The following CIT variants were observed in gnomAD, a reference collection of about 807,000 sequenced individuals.
CIT encodes the protein citron Rho-interacting kinase.
Under a neutral mutation model 272.7 loss-of-function variants are expected in CIT, and 79 were observed. That is an observed-to-expected ratio of 0.29 (90% CI 0.24 to 0.35). The LOEUF is 0.35. Among genes scored for constraint, CIT ranks in the 10% least tolerant of loss-of-function variants. The pLI is 1.00. For synonymous variants in CIT, 948 were observed against 995.6 expected (o/e 0.95, Z 0.90); for missense variants, 1,909 against 2,618.3 (o/e 0.73, Z 5.91).
chr12:119,725,534 C>T (rs1048094047), intron 28 of CIT, among the ~76,000 whole-genome samples: 5 of 152,202 alleles, frequency 3.3e-5, no homozygotes, highest in African/African-American at 1.2e-4. Context: ...AACCAGGAGG[C>T]CCAATCACAA....
chr12:119,780,384 C>T (rs1440551494), intron 13 of CIT, among the ~76,000 whole-genome samples: 1 of 152,026 alleles, frequency 6.6e-6, no homozygotes, highest in Non-Finnish European at 1.5e-5. Context: ...TTTGGGAGGC[C>T]AAGGCGGGCA....
intron 15 of CIT, 125 bp from the exon 16 acceptor site, chr12:119,775,964 T>A: frequency 1.4e-6 from 1 of 713,866 alleles, no homozygotes; most frequent in Non-Finnish European, 2.3e-6. Context: ...CCAGAACCTA[T>A]TAAGGGAGAG....
In CIT at chr12:119,713,452, C is replaced by A; in HGVS notation, c.4487+16G>T. 6.2e-7 allele frequency: 1 copy of A among 1,611,988 alleles called. No individual in the cohort carries two copies. The highest frequency in any genetic ancestry group is 8.5e-7 in the Non-Finnish European group (1 of 1,178,810). ...TGCCAGCACCTGCTCCAGCCCAAGC[C>A]ACCCTGACATGGTACCTGGGCACCT... On this transcript the variant is annotated intron_variant, in intron 34 of 47. Coordinates refer to ENST00000392521, the MANE Select transcript of CIT (RefSeq NM_001206999.2). This position sits in a 1 kb window ranked among gnomAD's most constrained non-coding sequence, Gnocchi z 5.2.
chr12:119,717,476 A>C (rs7302895), intron 32 of CIT, among the ~76,000 whole-genome samples: 9,873 of 132,160 alleles, frequency 0.075, 602 homozygotes, highest in African/African-American at 0.19. Flanking sequence ...GCTGGAGTGC[A>C]GTGGGGTGAT....
At chr12:119,798,524 G>C (rs1486839164) in intron 10 of CIT, among the ~76,000 whole-genome samples, 1 of 152,162 alleles carries the variant, frequency 6.6e-6, no homozygotes, top group African/African-American at 2.4e-5. Context: ...ACACAGCCTA[G>C]AACACAGTTG....
At chr12:119,818,563 T>C (rs1446273588) in intron 9 of CIT, among the ~76,000 whole-genome samples, 1 of 152,218 alleles carries the variant, frequency 6.6e-6, no homozygotes, top group African/African-American at 2.4e-5. Context: ...TTCATCAGCA[T>C]GGGACCACCA....
rs530381214 is a variant in CIT at position 119,690,550 on chromosome 12, C to T, written c.5883-96G>A. ...AGCAACCCCCTCCTTGACCCAGCCT[C>T]ACCACTGATTATCAAGAGATTAGAC... is the stretch of plus-strand genomic sequence containing the variant. On this transcript the variant is annotated intron_variant, in intron 46 of 47. Coordinates refer to ENST00000392521, the MANE Select transcript of CIT (RefSeq NM_001206999.2). This position sits in a 1 kb window ranked among gnomAD's most constrained non-coding sequence, Gnocchi z 6.0. 6.0e-6 allele frequency: 7 copies of T among 1,163,612 alleles called. No homozygotes were observed. The South Asian group carries it at 1.1e-4, about 18-fold the overall frequency. The allele number at this position is 1,163,612 out of a possible 1,614,324, so 72.1% of individuals were successfully genotyped here.
chr12:119,856,761 T>C (rs1950182995), intron 4 of CIT, among the ~76,000 whole-genome samples: 1 of 152,260 alleles, frequency 6.6e-6, no homozygotes, highest in African/African-American at 2.4e-5. Context: ...TGTGATACTT[T>C]AGCTGGTAAG....
At chr12:119,854,957 A>G (rs1206965476) in intron 4 of CIT, among the ~76,000 whole-genome samples, 1 of 152,010 alleles carries the variant, frequency 6.6e-6, no homozygotes, top group Non-Finnish European at 1.5e-5. Context: ...TCTCTAAATA[A>G]ATAAATAAAT....
At chr12:119,826,130 T>C (rs1968138999) in intron 7 of CIT, among the ~76,000 whole-genome samples, 1 of 152,098 alleles carries the variant, frequency 6.6e-6, no homozygotes, top group East Asian at 1.9e-4. Context: ...AATCTCAAGT[T>C]CAAAAATTTG....
chr12:119,866,253 CT>C (rs1322224855), intron 3 of CIT, among the ~76,000 whole-genome samples: 2 of 152,160 alleles, frequency 1.3e-5, no homozygotes, highest in Non-Finnish European at 2.9e-5. Context: ...GATTCATGAC[CT>C]TGTGTAGTTT....
At chr12:119,698,144 A>ACTTT in intron 44 of CIT, 90 bp from the exon 45 acceptor site, 2 of 1,169,838 alleles carry the variant, frequency 1.7e-6, no homozygotes, top group Non-Finnish European at 2.6e-6. Flanking sequence ...TCTTTGACCC[A>ACTTT]GCAATCCTGT....
chr12:119,708,404 A>T, intron 39 of CIT, 86 bp from the exon 40 acceptor site: 1 of 1,335,012 alleles, frequency 7.5e-7, no homozygotes, highest in Non-Finnish European at 9.8e-7. Flanking sequence ...AGTCACAAGT[A>T]AAAGTCACAA....
chr12:119,713,209 T>C lies in CIT; in HGVS notation c.4573A>G (p.Arg1525Gly). The C allele has an allele frequency of 1.2e-6, 2 of 1,613,178 alleles. No homozygotes were observed. The highest frequency in any genetic ancestry group is 1.7e-4 in the Middle Eastern group (1 of 6,048). The part of the protein sequence containing the change: ...SKVLIYDNEA[R>G]EAGQRPVEEF... ...CCCTGAATTATTAATTTACCTTCTC[T>C]GGCTTCATTGTCATAAATGAGGACT... is the stretch of plus-strand genomic sequence containing the variant. Residue 1525 changes from arginine (R) to glycine (G), a missense_variant, in exon 35 of 48, where the codon AGA (arginine) becomes GGA (glycine). Physicochemically the swap from Arg to Gly is moderately radical, Grantham distance 125. Around this residue, in one of 8 missense-constraint regions of CIT, gnomAD observed 780 missense variants for 1,067.2 expected, o/e 0.73. Transcript: ENST00000392521. The surrounding 1 kb of genome is among the most constrained non-coding windows in gnomAD (Gnocchi z 5.2).
intron 23 of CIT, among the ~76,000 whole-genome samples, chr12:119,748,252 G>A (rs1028580520): frequency 6.6e-6 from 1 of 152,186 alleles, no homozygotes; most frequent in African/African-American, 2.4e-5. Context: ...GAGTTGGGTG[G>A]CAAAAATGTG....
At chr12:119,695,940 T>TA (rs1956202810) in intron 46 of CIT, among the ~76,000 whole-genome samples, 1 of 152,238 alleles carries the variant, frequency 6.6e-6, no homozygotes, top group African/African-American at 2.4e-5. Flanking sequence ...TGACAATTTG[T>TA]AAAAGCTTGA....
At chr12:119,704,235 TA>T in intron 41 of CIT, 127 bp downstream of exon 41, 1 of 799,472 alleles carries the variant, frequency 1.3e-6, no homozygotes, top group Non-Finnish European at 2.0e-6. Flanking sequence ...CACCCCAGGC[TA>T]AAGGCCCGCA....
intron 32 of CIT, among the ~76,000 whole-genome samples, chr12:119,717,419 C>CTTTTTTTTT (rs60611060): frequency 4.8e-4 from 26 of 54,240 alleles, no homozygotes; most frequent in East Asian, 1.6e-3. Context: ...CTTTTCTTTT[C>CTTTTTTTTT]TTTTTTTTTT....
At chr12:119,854,974 G>C (rs1340456872) in intron 4 of CIT, among the ~76,000 whole-genome samples, 1 of 150,488 alleles carries the variant, frequency 6.6e-6, no homozygotes, top group East Asian at 2.0e-4. Context: ...AAATAATAAA[G>C]TTAACTGGGT....
Sources: allele counts gnomAD v4.1 joint callset (sites outside exome capture counted in the v4.1 genomes callset), GRCh38; gene constraint gnomAD v4.1.1; regional missense constraint gnomAD v4.1.1; non-coding constraint Gnocchi (gnomAD v3.1); transcripts MANE v1.5; gene names NCBI Gene and HGNC (gene_info 2026-07-23, HGNC 2026-07-21).